The following ZNF142 variants were observed in gnomAD, a reference collection of about 807,000 sequenced individuals.
ZNF142 encodes the protein zinc finger protein 142 (clone pHZ-49).
A neutral mutation model predicts 132.1 loss-of-function variants in ZNF142; 96 were observed. The observed-to-expected ratio is 0.73, with a 90% CI of 0.62 to 0.86. The LOEUF is 0.86. ZNF142 is among the 40% of genes least tolerant of loss of function. ZNF142 has a pLI of 0.00. For synonymous variants in ZNF142, 842 were observed against 890.1 expected (o/e 0.95, Z 0.96); for missense variants, 2,163 against 2,336.2 (o/e 0.93, Z 1.53).
chr2:218,636,322 G>A lies in ZNF142; in HGVS notation c.*2017C>T, dbSNP rs1696745269. 2 of 1,614,034 alleles carry A rather than the reference G, an allele frequency of 1.2e-6. No individual in the cohort carries two copies. Among genetic ancestry groups the A allele is most frequent in the South Asian group, 1.1e-5 (1 of 91,084 alleles). ...TTGCCATGCTGCGTTTTGTGGTAAT[G>A]GATTATGACTGGAAATCCCGAAATG... On this transcript the variant is annotated 3_prime_UTR_variant, in exon 11 of 11. Transcript: ENST00000411696.
intron 9 of ZNF142, among the ~76,000 whole-genome samples, chr2:218,641,242 A>G (rs1338660234): frequency 7.5e-6 from 1 of 134,104 alleles, no homozygotes; most frequent in Non-Finnish European, 1.6e-5. Flanking sequence ...CCTGGCCGAT[A>G]ATTTTTTTTT....
chr2:218,647,110 T>C (rs531658236), intron 7 of ZNF142, among the ~76,000 whole-genome samples: 29 of 152,186 alleles, frequency 1.9e-4, no homozygotes, highest in Admixed American at 7.2e-4. Context: ...CTAGCACTCT[T>C]CTGAGCACTT....
Position 218,643,518 on chromosome 2 carries a change from G to A in ZNF142, c.3598C>T (p.His1200Tyr), listed in dbSNP as rs1350088436. 6.2e-7 allele frequency: 1 copy of A among 1,611,270 alleles called. No individual in the cohort carries two copies. Among genetic ancestry groups the A allele is most frequent in the Non-Finnish European group, 8.5e-7 (1 of 1,178,208 alleles). ...SSPTEAPKKH[H>Y]LDPVPPAGNS... ...CCTGCAGGAGGGACTGGGTCAAGGTGGTGCTTCTTAGGGGCCTCCGTGGGT... is the reference window on the plus strand; with the variant it reads ...CCTGCAGGAGGGACTGGGTCAAGGTAGTGCTTCTTAGGGGCCTCCGTGGGT... The change falls in exon 9 of 11, where the codon CAC becomes TAC. Residue 1200 changes from histidine to tyrosine, a missense_variant. By Grantham distance (83) the His-to-Tyr change is moderately conservative. This residue lies in a region of ZNF142 where 809 missense variants were observed against 801.7 expected (regional missense o/e 1.01). Transcript: ENST00000411696.
chr2:218,656,594 T>C, intron 3 of ZNF142, 131 bp from the exon 4 acceptor site: 2 of 470,978 alleles, frequency 4.2e-6, no homozygotes, highest in Non-Finnish European at 7.1e-6. Context: ...ATATATACCA[T>C]ATGAGACTAA....
At position 218,641,539 on chromosome 2, in the gene ZNF142, C is replaced by T. The variant is rs59551965; in HGVS notation, c.5088+489G>A. 2.5e-3 allele frequency among the ~76,000 whole-genome samples: 375 copies of T among 151,874 alleles called. 2 individuals are homozygous for T. The highest frequency in any genetic ancestry group is 8.6e-3 in the African/African-American group (357 of 41,436). On this transcript the variant is annotated intron_variant, in intron 9 of 10. Transcript: ENST00000411696. ...GATTACAGGCGTGAGCCACCGCACC[C>T]AGCCTCAATTTTTTTTTTTAAATGG...
chr2:218,636,452 G>A lies in ZNF142; in HGVS notation c.*1887C>T, dbSNP rs1252591009. 3 of 1,613,970 alleles carry A rather than the reference G, an allele frequency of 1.9e-6. No homozygotes were observed. The highest frequency in any genetic ancestry group is 2.5e-6 in the Non-Finnish European group (3 of 1,179,886). ...CAGCTCTGGCTGCCTTCCTAATGCT[G>A]TCCTCCTGCCCCTTCCAGGTTACCG... On this transcript the variant is annotated 3_prime_UTR_variant, in exon 11 of 11. Coordinates refer to ENST00000411696, the MANE Select transcript of ZNF142 (RefSeq NM_001379659.1).
chr2:218,634,528 C>T lies in ZNF142; in HGVS notation c.*3811G>A, dbSNP rs1326446490. Reference sequence around the variant, plus strand: ...ATGGGCATTTCCGCCAGAATGGCGGCTGTGGCTATGTGCTGAAGCCAGACT... The same window carrying T: ...ATGGGCATTTCCGCCAGAATGGCGGTTGTGGCTATGTGCTGAAGCCAGACT... On this transcript the variant is annotated 3_prime_UTR_variant, in exon 11 of 11. Transcript: ENST00000411696. This position sits in a 1 kb window ranked among gnomAD's most constrained non-coding sequence, Gnocchi z 4.0. 6.2e-7 allele frequency: 1 copy of T among 1,614,010 alleles called. No individual in the cohort carries two copies. Among genetic ancestry groups the T allele is most frequent in the Non-Finnish European group, 8.5e-7 (1 of 1,179,892 alleles).
In ZNF142 at chr2:218,646,215, C is replaced by T; in HGVS notation, c.2007G>A (p.Lys669=). ...CTECGYVTKW[K]HYLRVHMRKH... ...TTCGCATGTGCACACGGAGGTAGTGCTTCCACTTGGTGACATAGCCACATT... is the reference window on the plus strand; with the variant it reads ...TTCGCATGTGCACACGGAGGTAGTGTTTCCACTTGGTGACATAGCCACATT... The change falls in exon 8 of 11, where the codon AAG becomes AAA. Residue 669 remains lysine, a synonymous_variant. Coordinates refer to ENST00000411696, the MANE Select transcript of ZNF142 (RefSeq NM_001379659.1). The T allele has an allele frequency of 2.5e-6, 4 of 1,614,170 alleles. No homozygotes were observed. Among genetic ancestry groups the T allele is most frequent in the African/African-American group, 2.7e-5 (2 of 75,056 alleles).
At position 218,656,219 on chromosome 2, in the gene ZNF142, C is replaced by T; in HGVS notation, c.211G>A (p.Gly71Arg). Residue 71 changes from glycine (G) to arginine (R), a missense_variant, in exon 4 of 11, where the codon GGG becomes AGG. Around this residue, in one of 7 missense-constraint regions of ZNF142, gnomAD observed 195 missense variants for 172.4 expected, o/e 1.13. Coordinates refer to ENST00000411696, the MANE Select transcript of ZNF142 (RefSeq NM_001379659.1). Reference protein sequence around the residue: ...VEATATEEGPGNMEIIVETVA... With the variant: ...VEATATEEGPRNMEIIVETVA... ...GTCTCCACAATGATCTCCATGTTCC[C>T]TGGTCCCTCTTCAGTTGCTGTGGCC... The T allele has an allele frequency of 6.2e-7, 1 of 1,613,200 alleles. No individual in the cohort carries two copies. The highest frequency in any genetic ancestry group is 8.5e-7 in the Non-Finnish European group (1 of 1,179,544).
chr2:218,656,642 A>G (rs1297311284), intron 3 of ZNF142, among the ~76,000 whole-genome samples, 179 bp from the exon 4 acceptor site: 1 of 152,232 alleles, frequency 6.6e-6, no homozygotes, highest in Non-Finnish European at 1.5e-5. Context: ...CAGAACAAAA[A>G]GTATAAAAAT....
rs1696584386 is a variant in ZNF142, at chr2:218,634,350, T to C, written c.*3989A>G. The stretch of plus-strand genomic sequence containing the variant: ...GGCTGAGAAATGCTATCAGTGGATA[T>C]TACCAGCAGGTACCGTGCACCCAGT... On this transcript the variant is annotated 3_prime_UTR_variant, in exon 11 of 11. Transcript: ENST00000411696. The surrounding 1 kb of genome is among the most constrained non-coding windows in gnomAD (Gnocchi z 4.0). 4 of 1,572,632 alleles carry C rather than the reference T, an allele frequency of 2.5e-6. No individual in the cohort carries two copies. The highest frequency in any genetic ancestry group is 2.6e-6 in the Non-Finnish European group (3 of 1,156,310).
rs756909506 is a variant in ZNF142 at position 218,644,744 on chromosome 2, T to C, written c.2372A>G (p.His791Arg). The change falls in exon 9 of 11, where the codon CAT (histidine) becomes CGT (arginine). Residue 791 changes from histidine to arginine, a missense_variant. His to Arg is a conservative substitution (Grantham distance 29). This residue lies in a region of ZNF142 where 749 missense variants were observed against 830.3 expected (regional missense o/e 0.90). Transcript: ENST00000411696. This position sits in a 1 kb window ranked among gnomAD's most constrained non-coding sequence, Gnocchi z 4.6. ...RTFSNTTLLF[H>R]KRKAHGYVPG... Reference sequence around the variant, plus strand: ...TACATAGCCATGGGCCTTGCGTTTATGGAACAAGAGTGTGGTGTTGCTGAA... The same window carrying C: ...TACATAGCCATGGGCCTTGCGTTTACGGAACAAGAGTGTGGTGTTGCTGAA... 10 of 1,614,212 alleles carry C rather than the reference T, an allele frequency of 6.2e-6. No individual in the cohort carries two copies. Among genetic ancestry groups the C allele is most frequent in the South Asian group, 1.1e-5 (1 of 91,080 alleles).
Position 218,638,703 on chromosome 2 carries a change from C to T in ZNF142, c.5300G>A (p.Cys1767Tyr), listed in dbSNP as rs562000500. Residue 1767 changes from cysteine (C) to tyrosine (Y), a missense_variant, in exon 11 of 11, where the codon TGT (cysteine) becomes TAT (tyrosine). Cys to Tyr is a radical substitution (Grantham distance 194). This residue lies in a region of ZNF142 where 325 missense variants were observed against 367.8 expected (regional missense o/e 0.88). Transcript: ENST00000411696. ...TRHREARAFM[C>Y]EQCGKAFKTR... is the part of the protein sequence containing the mutation. ...CTTGAAGGCCTTGCCACACTGCTCA[C>T]ACATGAAAGCCCGTGCTTCTCGATG... The T allele has an allele frequency of 1.2e-6, 2 of 1,614,156 alleles. No individual in the cohort carries two copies. Among genetic ancestry groups the T allele is most frequent in the African/African-American group, 1.3e-5 (1 of 75,052 alleles).
At position 218,646,307 on chromosome 2, in the gene ZNF142, G is replaced by A. The variant is rs989952079; in HGVS notation, c.1915C>T (p.Arg639Ter). 14 of 1,614,036 alleles carry A rather than the reference G, an allele frequency of 8.7e-6. No homozygotes were observed. The highest frequency in any genetic ancestry group is 1.1e-5 in the Non-Finnish European group (13 of 1,180,038). ...HKCELCDFTC[R>*]DVSYLSKHML... The stretch of plus-strand genomic sequence containing the variant: ...TGCTTGGATAGGTAGCTCACGTCTC[G>A]GCATGTGAAGTCACACAGCTCACAC... The change falls in exon 8 of 11, where the codon CGA becomes TGA. Residue 639 changes from arginine to a stop codon, truncating the protein, a stop_gained. Transcript: ENST00000411696. LOFTEE classifies it high-confidence loss of function.
Position 218,633,797 on chromosome 2 carries a change from G to C in ZNF142, c.*4542C>G. The C allele has an allele frequency of 6.2e-7, 1 of 1,609,602 alleles. No individual in the cohort carries two copies. Among genetic ancestry groups the C allele is most frequent in the Non-Finnish European group, 8.5e-7 (1 of 1,177,310 alleles). On this transcript the variant is annotated 3_prime_UTR_variant, in exon 11 of 11. Transcript: ENST00000411696. ...AAATGGAGGGATGGGGAGGGAAGTG[G>C]GATGGATAGGTTCAGGCCTGATGGA... is the stretch of plus-strand genomic sequence containing the variant.
chr2:218,652,341 T>C (rs976793791), intron 4 of ZNF142, 41 bp from the exon 5 acceptor site: 5 of 456,346 alleles, frequency 1.1e-5, no homozygotes, highest in Non-Finnish European at 1.8e-5. Context: ...TAGAATCAGA[T>C]GGAACAAGAC....
At chr2:218,647,560 A>C (rs896737013) in intron 7 of ZNF142, among the ~76,000 whole-genome samples, 2 of 152,114 alleles carry the variant, frequency 1.3e-5, no homozygotes, top group Non-Finnish European at 2.9e-5. Flanking sequence ...TTTAAATCCT[A>C]GTTGACTACC....
At chr2:218,640,875 G>A in intron 9 of ZNF142, 106 bp from the exon 10 acceptor site, 1 of 821,604 alleles carries the variant, frequency 1.2e-6, no homozygotes, top group Non-Finnish European at 2.0e-6. Flanking sequence ...TTATCATATG[G>A]CAAGCAGACA....
Position 218,643,980 on chromosome 2 carries a change from G to C in ZNF142, c.3136C>G (p.Arg1046Gly), listed in dbSNP as rs780292909. The C allele has an allele frequency of 1.2e-6, 2 of 1,614,150 alleles. No homozygotes were observed. The highest frequency in any genetic ancestry group is 4.5e-5 in the East Asian group (2 of 44,878). ...FRCPHCPFIT[R>G]REKALNLHSR... ...TGCAGATTCAGGGCCTTCTCCCGGC[G>C]AGTGATAAAAGGGCAGTGTGGGCAG... The change falls in exon 9 of 11, where the codon CGC (arginine) becomes GGC (glycine). Residue 1046 changes from arginine to glycine, a missense_variant. Arg to Gly is a moderately radical substitution (Grantham distance 125, BLOSUM62 -2). Coordinates refer to ENST00000411696, the MANE Select transcript of ZNF142 (RefSeq NM_001379659.1).
Sources: allele counts gnomAD v4.1 joint callset (sites outside exome capture counted in the v4.1 genomes callset), GRCh38; gene constraint gnomAD v4.1.1; regional missense constraint gnomAD v4.1.1; non-coding constraint Gnocchi (gnomAD v3.1); transcripts MANE v1.5; gene names NCBI Gene and HGNC (gene_info 2026-07-23, HGNC 2026-07-21).